The following SMIM3 variants were observed in gnomAD, a reference collection of about 807,000 sequenced individuals.
SMIM3 encodes the protein NGF-induced differentiation clone 67 protein.
SMIM3 carries 4 observed loss-of-function variants against 2.1 expected under a neutral mutation model. The ratio of observed to expected loss-of-function variants is 1.89; its 90% CI spans 0.93 to 4.31. The LOEUF (loss-of-function observed/expected upper bound fraction) is 4.31, where lower values mean the gene tolerates loss of function less well. SMIM3 is among the 30% of genes most tolerant of loss of function. The pLI is 0.01. For synonymous variants in SMIM3, 29 were observed against 30.8 expected (o/e 0.94, Z 0.19); for missense variants, 79 against 77.7 (o/e 1.02, Z -0.06).
At chr5:150,792,026 CTTG>C (rs1197354599) in intron 1 of SMIM3, among the ~76,000 whole-genome samples, 2 of 152,148 alleles carry the variant, frequency 1.3e-5, no homozygotes, top group African/African-American at 2.4e-5. Flanking sequence ...TTAGTGGACA[CTTG>C]TTGTGTCTGT....
In SMIM3 at chr5:150,778,869, G is replaced by A. The variant is rs1197310859; in HGVS notation, c.-115G>A. 2 of 490,922 alleles carry A rather than the reference G, an allele frequency of 4.1e-6. No homozygotes were observed. The highest frequency in any genetic ancestry group is 8.4e-6 in the Non-Finnish European group (2 of 238,694). 30.4% of individuals were successfully genotyped at this position (490,922 alleles called of 1,614,324 possible). A position where few individuals can be genotyped will look rare whatever the true frequency, so the allele number is the denominator to read the frequency against. On this transcript the variant is annotated 5_prime_UTR_variant, in exon 1 of 2. Transcript: ENST00000526627. ...TGCCTAGGGCTGAGGTTCCAGGCCT[G>A]GGGGTCGCTTCCAGCTGCCAGATCC...
intron 1 of SMIM3, among the ~76,000 whole-genome samples, chr5:150,780,066 A>G (rs1242979120): frequency 4.6e-5 from 7 of 152,154 alleles, no homozygotes; most frequent in Non-Finnish European, 8.8e-5. Flanking sequence ...GATTCCTTGA[A>G]CATCTGCTAT....
intron 1 of SMIM3, among the ~76,000 whole-genome samples, chr5:150,791,655 T>A (rs1246979535): frequency 2.6e-5 from 4 of 152,224 alleles, no homozygotes; most frequent in Non-Finnish European, 5.9e-5. Flanking sequence ...CATTCATGGT[T>A]AATAGACACT....
chr5:150,788,198 T>C (rs770569254), intron 1 of SMIM3, among the ~76,000 whole-genome samples: 1 of 152,132 alleles, frequency 6.6e-6, no homozygotes, highest in African/African-American at 2.4e-5. Flanking sequence ...GCCGAAACAA[T>C]GATTCTTTCT....
At chr5:150,783,257 T>G (rs550679104) in intron 1 of SMIM3, among the ~76,000 whole-genome samples, 2 of 152,202 alleles carry the variant, frequency 1.3e-5, no homozygotes. Flanking sequence ...TGGCCCCATC[T>G]AGGAACTTGA....
intron 1 of SMIM3, among the ~76,000 whole-genome samples, chr5:150,780,992 T>A (rs1201033286): frequency 6.6e-6 from 1 of 152,224 alleles, no homozygotes; most frequent in African/African-American, 2.4e-5. Flanking sequence ...GTACTTACTA[T>A]AAGCTAGGCA....
At chr5:150,786,440 A>C (rs554922710) in intron 1 of SMIM3, among the ~76,000 whole-genome samples, 2 of 152,218 alleles carry the variant, frequency 1.3e-5, no homozygotes, top group South Asian at 4.1e-4. Flanking sequence ...GGTGCACACC[A>C]TGCCCATCTA....
chr5:150,787,775 AT>A (rs1225640646), intron 1 of SMIM3, among the ~76,000 whole-genome samples: 1 of 152,246 alleles, frequency 6.6e-6, no homozygotes, highest in East Asian at 1.9e-4. Context: ...GTTTTTACAA[AT>A]TTAAACAAAT....
Position 150,795,528 on chromosome 5 carries a change from A to C in SMIM3, c.88A>C (p.Thr30Pro). 6.2e-7 allele frequency: 1 copy of C among 1,612,462 alleles called. No homozygotes were observed. Among genetic ancestry groups the C allele is most frequent in the Non-Finnish European group, 8.5e-7 (1 of 1,179,762 alleles). The part of the protein sequence containing the change: ...IWVIVLIILA[T>P]IVIMTSLLLC... ...GGTTATTGTCCTCATCATCCTGGCCACCATTGTCATCATGACCTCGTTGTT... is the reference window on the plus strand; with the variant it reads ...GGTTATTGTCCTCATCATCCTGGCCCCCATTGTCATCATGACCTCGTTGTT... Residue 30 changes from threonine (T) to proline (P), a missense_variant, in exon 2 of 2, where the codon ACC (threonine) becomes CCC (proline). Coordinates refer to ENST00000526627, the MANE Select transcript of SMIM3 (RefSeq NM_032947.5).
chr5:150,782,419 C>T (rs1486733213), intron 1 of SMIM3, among the ~76,000 whole-genome samples: 2 of 152,158 alleles, frequency 1.3e-5, no homozygotes, highest in Non-Finnish European at 2.9e-5. Flanking sequence ...GAAAGATTCA[C>T]ATCTTGGGCA....
intron 1 of SMIM3, among the ~76,000 whole-genome samples, chr5:150,791,463 G>T (rs1279543692): frequency 6.6e-6 from 1 of 151,770 alleles, no homozygotes; most frequent in Non-Finnish European, 1.5e-5. Context: ...TGCTTCTATG[G>T]GTCTGATATT....
At chr5:150,785,784 T>C (rs1262887229) in intron 1 of SMIM3, among the ~76,000 whole-genome samples, 1 of 152,014 alleles carries the variant, frequency 6.6e-6, no homozygotes, top group African/African-American at 2.4e-5. Flanking sequence ...GGTTTCACCA[T>C]GTTGGCCAGG....
intron 1 of SMIM3, among the ~76,000 whole-genome samples, chr5:150,789,500 G>A (rs1437402432): frequency 1.3e-5 from 2 of 152,084 alleles, no homozygotes; most frequent in African/African-American, 4.8e-5. Flanking sequence ...TCTGACACCC[G>A]ACTACTTCTA....
chr5:150,792,602 A>G (rs1349396039), intron 1 of SMIM3, among the ~76,000 whole-genome samples: 1 of 152,166 alleles, frequency 6.6e-6, no homozygotes, highest in East Asian at 1.9e-4. Context: ...TGGTGTGATC[A>G]TGGCTCACTG....
chr5:150,784,569 A>G lies in SMIM3; in HGVS notation c.-12+5597A>G, dbSNP rs1753270813. ...TAGAAAATCACTTTACCTTTTTGGT[A>G]TCTTTAGTAATACTTTCTGCCTAAA... On this transcript the variant is annotated intron_variant, in intron 1 of 1. Transcript: ENST00000526627. Among the ~76,000 whole-genome samples, 3 of 152,190 alleles carry G rather than the reference A, an allele frequency of 2.0e-5. No homozygotes were observed. In the South Asian group the frequency reaches 6.2e-4, roughly 31 times the overall value.
Position 150,795,461 on chromosome 5 carries a change from C to A in SMIM3, c.21C>A (p.Val7=). 1 of 1,613,956 alleles carries A rather than the reference C, an allele frequency of 6.2e-7. No homozygotes were observed. Among genetic ancestry groups the A allele is most frequent in the East Asian group, 2.2e-5 (1 of 44,884 alleles). MDAVSQ[V]PMEVVLPKHI... ...GCAACATGGATGCAGTCAGCCAAGTCCCCATGGAAGTCGTGCTTCCCAAGC... is the reference window on the plus strand; with the variant it reads ...GCAACATGGATGCAGTCAGCCAAGTACCCATGGAAGTCGTGCTTCCCAAGC... Residue 7 remains valine, a synonymous_variant, in exon 2 of 2, where the codon GTC becomes GTA. Coordinates refer to ENST00000526627, the MANE Select transcript of SMIM3 (RefSeq NM_032947.5).
Position 150,778,794 on chromosome 5 carries a change from C to A in SMIM3, c.-190C>A. On this transcript the variant is annotated 5_prime_UTR_variant, in exon 1 of 2. Transcript: ENST00000526627. ...CAGCAGCGCGTCCTGGCCGCTCCTG[C>A]GCTCTCCCGCCTCCCGGGGCTCGGA... is the stretch of plus-strand genomic sequence containing the variant. 2.1e-6 allele frequency: 1 copy of A among 466,752 alleles called. No individual in the cohort carries two copies. The highest frequency in any genetic ancestry group is 4.4e-6 in the Non-Finnish European group (1 of 225,578). 28.9% of individuals were successfully genotyped at this position (466,752 alleles called of 1,614,324 possible). A position where few individuals can be genotyped will look rare whatever the true frequency, so the allele number is the denominator to read the frequency against.
At chr5:150,787,254 A>G (rs1244517462) in intron 1 of SMIM3, among the ~76,000 whole-genome samples, 1 of 152,214 alleles carries the variant, frequency 6.6e-6, no homozygotes, top group East Asian at 1.9e-4. Context: ...TTCTCAAGCA[A>G]TGAAGACTGG....
At chr5:150,790,533 T>C (rs1753339429) in intron 1 of SMIM3, among the ~76,000 whole-genome samples, 1 of 152,212 alleles carries the variant, frequency 6.6e-6, no homozygotes, top group East Asian at 1.9e-4. Context: ...CTGTCTCCTC[T>C]GCAAGCTCGG....
Sources: allele counts gnomAD v4.1 joint callset (sites outside exome capture counted in the v4.1 genomes callset), GRCh38; gene constraint gnomAD v4.1.1; transcripts MANE v1.5; gene names NCBI Gene and HGNC (gene_info 2026-07-23, HGNC 2026-07-21).